LHFPL3: variants seen among roughly 807,000 people sequenced by gnomAD.
LHFPL3 encodes the protein LHFPL tetraspan subfamily member 3.
LHFPL3 carries 5 observed loss-of-function variants against 19.3 expected under a neutral mutation model. The ratio of observed to expected loss-of-function variants is 0.26; its 90% CI spans 0.14 to 0.54. The LOEUF is 0.54. Among genes scored for constraint, LHFPL3 ranks in the 20% least tolerant of loss-of-function variants. The probability of loss-of-function intolerance (pLI) is 0.94; values close to 1 mark genes in which losing one functional copy is unlikely to be tolerated. For synonymous variants in LHFPL3, 133 were observed against 126.2 expected (o/e 1.05, Z -0.36); for missense variants, 249 against 307.4 (o/e 0.81, Z 1.42).
intron 1 of LHFPL3, among the ~76,000 whole-genome samples, chr7:104,363,762 C>G (rs545844279): frequency 6.6e-6 from 1 of 152,306 alleles, no homozygotes; most frequent in Non-Finnish European, 1.5e-5. Context: ...GGTGAAGCAG[C>G]CTCTTAAAGC....
intron 1 of LHFPL3, among the ~76,000 whole-genome samples, chr7:104,396,544 G>T (rs117000173): frequency 5.9e-5 from 9 of 151,358 alleles, no homozygotes; most frequent in African/African-American, 1.9e-4. Context: ...AGGTGCATCA[G>T]GTTCAATTTA....
At chr7:104,440,807 A>C (rs185894154) in intron 1 of LHFPL3, among the ~76,000 whole-genome samples, 2 of 152,322 alleles carry the variant, frequency 1.3e-5, no homozygotes, top group Non-Finnish European at 2.9e-5. Flanking sequence ...TTTGTGACCT[A>C]AGTGAGACAA....
intron 1 of LHFPL3, among the ~76,000 whole-genome samples, chr7:104,342,020 A>G (rs1789964736): frequency 6.6e-6 from 1 of 152,228 alleles, no homozygotes; most frequent in Non-Finnish European, 1.5e-5. Flanking sequence ...ATGCTTTGAA[A>G]TTACTCTCTA....
At chr7:104,759,566 C>T (rs1423031363) in intron 2 of LHFPL3, 1 of 152,188 alleles carries the variant, frequency 6.6e-6, no homozygotes, top group Non-Finnish European at 1.5e-5. Context: ...TCAATGGTCA[C>T]ATTTGGCTCC....
intron 1 of LHFPL3, among the ~76,000 whole-genome samples, chr7:104,520,153 T>C (rs1369742471): frequency 6.6e-6 from 1 of 152,114 alleles, no homozygotes; most frequent in East Asian, 1.9e-4. Context: ...GTTTTTAGCA[T>C]GAAGGGTTGT....
chr7:104,603,052 TTTTCTTTCTTTCTTTTTCTTTC>T (rs1271790030), intron 1 of LHFPL3, among the ~76,000 whole-genome samples: 13 of 150,758 alleles, frequency 8.6e-5, no homozygotes, highest in East Asian at 2.0e-4. Flanking sequence ...GTTTTCTTTT[TTTTCTTTCTTTCTTTTTCTTTC>T]TTTCTTTCTT....
At chr7:104,648,168 T>C (rs766430360) in intron 1 of LHFPL3, among the ~76,000 whole-genome samples, 48 of 152,318 alleles carry the variant, frequency 3.2e-4, no homozygotes, top group Non-Finnish European at 5.6e-4. Flanking sequence ...GAAGGACCTC[T>C]CTTACGTAGG....
chr7:104,442,157 G>A (rs995303388), intron 1 of LHFPL3, among the ~76,000 whole-genome samples: 7 of 151,612 alleles, frequency 4.6e-5, no homozygotes, highest in Non-Finnish European at 7.4e-5. Flanking sequence ...TAGGGATGCT[G>A]AGCATTTTTT....
At chr7:104,522,634 C>A (rs1794093525) in intron 1 of LHFPL3, among the ~76,000 whole-genome samples, 1 of 151,980 alleles carries the variant, frequency 6.6e-6, no homozygotes, top group African/African-American at 2.4e-5. Flanking sequence ...CTCAAGAAAC[C>A]TAAAATCCAG....
intron 1 of LHFPL3, among the ~76,000 whole-genome samples, chr7:104,485,524 G>T (rs1194290250): frequency 6.6e-6 from 1 of 151,746 alleles, no homozygotes. Flanking sequence ...ATCATCCTTT[G>T]GTACTAAAAT....
chr7:104,516,275 C>G (rs939898226), intron 1 of LHFPL3, among the ~76,000 whole-genome samples: 4 of 151,992 alleles, frequency 2.6e-5, no homozygotes, highest in Non-Finnish European at 5.9e-5. Flanking sequence ...CTCACTATCA[C>G]AGGAATAGCA....
intron 1 of LHFPL3, among the ~76,000 whole-genome samples, chr7:104,380,984 A>G (rs1790815611): frequency 6.6e-6 from 1 of 152,204 alleles, no homozygotes; most frequent in Non-Finnish European, 1.5e-5. Flanking sequence ...GTAAAAGGAG[A>G]TGTACAGTTG....
chr7:104,752,752 C>T (rs1278310838), intron 2 of LHFPL3: 9 of 396,358 alleles, frequency 2.3e-5, no homozygotes, highest in African/African-American at 6.2e-5. Flanking sequence ...GATCTCTCGT[C>T]GACTTGTCCT....
At chr7:104,337,753 T>C (rs1789857040) in intron 1 of LHFPL3, among the ~76,000 whole-genome samples, 1 of 152,236 alleles carries the variant, frequency 6.6e-6, no homozygotes, top group Admixed American at 6.5e-5. Context: ...TTTAAGAACC[T>C]GTATAATTAC....
intron 1 of LHFPL3, among the ~76,000 whole-genome samples, chr7:104,359,580 T>C (rs1300050353): frequency 2.6e-5 from 4 of 152,246 alleles, no homozygotes; most frequent in Non-Finnish European, 4.4e-5. Context: ...TGACTATTCA[T>C]GTTCTTGAGT....
At chr7:104,568,793 CAGAGAA>C (rs1790172148) in intron 1 of LHFPL3, among the ~76,000 whole-genome samples, 1 of 152,202 alleles carries the variant, frequency 6.6e-6, no homozygotes, top group Non-Finnish European at 1.5e-5. Context: ...TTCCAGAGGT[CAGAGAA>C]ACCAGAATTC....
chr7:104,510,669 A>G (rs978331208), intron 1 of LHFPL3, among the ~76,000 whole-genome samples: 4 of 152,188 alleles, frequency 2.6e-5, no homozygotes, highest in Non-Finnish European at 5.9e-5. Flanking sequence ...AGTGCATAAA[A>G]TGAAACACTG....
intron 1 of LHFPL3, among the ~76,000 whole-genome samples, chr7:104,386,692 C>A (rs572005313): frequency 6.6e-6 from 1 of 152,142 alleles, no homozygotes; most frequent in African/African-American, 2.4e-5. Context: ...ACGTGTAGGA[C>A]CTCTTGGCAA....
At chr7:104,544,429 C>G (rs899664677) in intron 1 of LHFPL3, among the ~76,000 whole-genome samples, 46 of 152,240 alleles carry the variant, frequency 3.0e-4, no homozygotes, top group African/African-American at 1.0e-3. Flanking sequence ...TTCACAAAGA[C>G]AAAAATTTGA....
Sources: allele counts gnomAD v4.1 joint callset (sites outside exome capture counted in the v4.1 genomes callset), GRCh38; gene constraint gnomAD v4.1.1; transcripts MANE v1.5; gene names NCBI Gene and HGNC (gene_info 2026-07-23, HGNC 2026-07-21).